Variants in SHANK2 observed in about 807,000 individuals in gnomAD.
SHANK2 encodes the protein SH3 and multiple ankyrin repeat domains 2.
Under a neutral mutation model 133.7 loss-of-function variants are expected in SHANK2, and 43 were observed. The ratio of observed to expected loss-of-function variants is 0.32; its 90% CI spans 0.25 to 0.41. The LOEUF is 0.41. Ranked by LOEUF, SHANK2 falls within the 10% of genes least tolerant of loss-of-function variation. The probability of loss-of-function intolerance (pLI) is 1.00; values close to 1 mark genes in which losing one functional copy is unlikely to be tolerated. For missense variants in SHANK2, 1,994 were observed against 2,235.8 expected, an observed-to-expected ratio of 0.89 and a Z score of 2.18; for synonymous variants, 1,017 against 952.8, an observed-to-expected ratio of 1.07 and a Z score of -1.24.
chr11:70,778,174 T>C (rs1002467913), intron 14 of SHANK2, among the ~76,000 whole-genome samples: 1 of 152,246 alleles, frequency 6.6e-6, no homozygotes, highest in Non-Finnish European at 1.5e-5. Flanking sequence ...CTCTGATGTT[T>C]GCCTTTTCAA....
In SHANK2 at chr11:71,155,983, T is replaced by C. The variant is rs369342287; in HGVS notation, c.-12-8645A>G. Among the ~76,000 whole-genome samples the C allele has an allele frequency of 1.2e-4, 19 of 152,290 alleles. No homozygotes were observed. In the South Asian group the frequency reaches 3.7e-3, roughly 30 times the overall value. On this transcript the variant is annotated intron_variant, in intron 2 of 25. Coordinates refer to ENST00000601538, the MANE Select transcript of SHANK2 (RefSeq NM_012309.5). Reference sequence around the variant, plus strand: ...GGCCCTAATGCAAGGCTGGTGTCTTTTTATCAGAAGAGGGACTCTGGACAC... The same window carrying C: ...GGCCCTAATGCAAGGCTGGTGTCTTCTTATCAGAAGAGGGACTCTGGACAC...
At chr11:70,638,441 G>A (rs782098359) in intron 17 of SHANK2, among the ~76,000 whole-genome samples, 2 of 152,180 alleles carry the variant, frequency 1.3e-5, no homozygotes, top group Non-Finnish European at 1.5e-5. Flanking sequence ...TGTGCTCGGC[G>A]CCCTGCTGAT....
In SHANK2 at chr11:71,127,587, A is replaced by G. The variant is rs1952215454; in HGVS notation, c.208-8555T>C. Among the ~76,000 whole-genome samples the G allele has an allele frequency of 2.0e-5, 3 of 152,236 alleles. No homozygotes were observed. The South Asian group carries it at 6.2e-4, about 32-fold the overall frequency. ...GACACTCCACCAACAAAAACATTACAGGCCACTGAAGATGCAGGTGATTCT... is the reference window on the plus strand; with the variant it reads ...GACACTCCACCAACAAAAACATTACGGGCCACTGAAGATGCAGGTGATTCT... On this transcript the variant is annotated intron_variant, in intron 3 of 25. Coordinates refer to ENST00000601538, the MANE Select transcript of SHANK2 (RefSeq NM_012309.5).
In SHANK2 at chr11:70,502,780, G is replaced by T. The variant is rs782444426; in HGVS notation, c.2197+16C>A. 1 of 1,596,862 alleles carries T rather than the reference G, an allele frequency of 6.3e-7. No individual in the cohort carries two copies. Among genetic ancestry groups the T allele is most frequent in the Admixed American group, 1.7e-5 (1 of 58,772 alleles). ...GTAGGGCCCCAGGCTGGAGCTGGGC[G>T]ATGTGGGGCATGTACCTTTCTTCCT... On this transcript the variant is annotated intron_variant, in intron 18 of 25. Coordinates refer to ENST00000601538, the MANE Select transcript of SHANK2 (RefSeq NM_012309.5).
At chr11:70,635,853 G>A (rs1209771979) in intron 17 of SHANK2, among the ~76,000 whole-genome samples, 3 of 152,058 alleles carry the variant, frequency 2.0e-5, no homozygotes, top group Admixed American at 6.5e-5. Flanking sequence ...CCTCGGTCAC[G>A]CTCATCTGCT....
At chr11:70,893,479 G>C (rs1311687908) in intron 11 of SHANK2, among the ~76,000 whole-genome samples, 1 of 152,168 alleles carries the variant, frequency 6.6e-6, no homozygotes, top group Admixed American at 6.5e-5. Context: ...ACTGTGCTTG[G>C]ATCAATCAAC....
At chr11:70,702,830 G>A (rs1266070970) in intron 14 of SHANK2, among the ~76,000 whole-genome samples, 2 of 152,174 alleles carry the variant, frequency 1.3e-5, no homozygotes, top group Non-Finnish European at 2.9e-5. Context: ...AGGCTGGCTC[G>A]ATTCAGAACC....
In SHANK2 at chr11:71,188,635, T is replaced by C. The variant is rs1020008175; in HGVS notation, c.-13+36062A>G. ...AATTCACTGTGCCTATAACCCAAAG[T>C]CAAGATGAAACTGAGGTGTGGGCCC... is the stretch of plus-strand genomic sequence containing the variant. On this transcript the variant is annotated intron_variant, in intron 2 of 25. Coordinates refer to ENST00000601538, the MANE Select transcript of SHANK2 (RefSeq NM_012309.5). This position sits in a 1 kb window ranked among gnomAD's most constrained non-coding sequence, Gnocchi z 4.6. Among the ~76,000 whole-genome samples the C allele has an allele frequency of 4.6e-5, 7 of 152,274 alleles. No individual in the cohort carries two copies. Among genetic ancestry groups the C allele is most frequent in the Middle Eastern group, 6.8e-3 (2 of 294 alleles).
chr11:71,138,936 G>A (rs1207435773), intron 3 of SHANK2, among the ~76,000 whole-genome samples: 1 of 152,138 alleles, frequency 6.6e-6, no homozygotes, highest in Non-Finnish European at 1.5e-5. Context: ...GAGAGGGCAG[G>A]GCCCTCCCAG....
chr11:71,067,327 C>T (rs1040626726), intron 9 of SHANK2, among the ~76,000 whole-genome samples: 29 of 152,186 alleles, frequency 1.9e-4, no homozygotes, highest in African/African-American at 7.0e-4. Context: ...TTATTTTTAC[C>T]TTCCAGACAA....
At position 70,492,234 on chromosome 11, in the gene SHANK2, C is replaced by G. The variant is rs2058896600; in HGVS notation, c.2439+101G>C. The G allele has an allele frequency of 2.6e-6, 4 of 1,554,134 alleles. No individual in the cohort carries two copies. The South Asian group carries it at 3.3e-5, about 13-fold the overall frequency. On this transcript the variant is annotated intron_variant, in intron 22 of 25. Transcript: ENST00000601538. ...GGGCCCCACCTCTGGACAGCACGAA[C>G]CAGACATGAAAGCGTGTGCACCTCA...
At chr11:71,194,240 G>A (rs1467678837) in intron 2 of SHANK2, among the ~76,000 whole-genome samples, 2 of 152,208 alleles carry the variant, frequency 1.3e-5, no homozygotes, top group Non-Finnish European at 2.9e-5. Context: ...GTAGGTGGCT[G>A]TTCTGATGGG....
At chr11:70,848,233 T>C (rs1260908274) in intron 11 of SHANK2, among the ~76,000 whole-genome samples, 1 of 152,248 alleles carries the variant, frequency 6.6e-6, no homozygotes, top group African/African-American at 2.4e-5. Flanking sequence ...TGAAATCTCC[T>C]GATTTTAAAT....
chr11:70,796,282 C>T (rs1171222677), intron 14 of SHANK2, among the ~76,000 whole-genome samples: 1 of 152,168 alleles, frequency 6.6e-6, no homozygotes, highest in African/African-American at 2.4e-5. Context: ...TCCTCCTGCA[C>T]ACTATCCTGG....
chr11:70,582,891 T>A (rs2060202059), intron 17 of SHANK2, among the ~76,000 whole-genome samples: 1 of 152,132 alleles, frequency 6.6e-6, no homozygotes, highest in African/African-American at 2.4e-5. Flanking sequence ...GCGTGTCTGA[T>A]GAGCAGGACC....
At chr11:71,233,626 G>A (rs1555123267) in intron 1 of SHANK2, among the ~76,000 whole-genome samples, 1 of 152,226 alleles carries the variant, frequency 6.6e-6, no homozygotes, top group Non-Finnish European at 1.5e-5. Context: ...ACAATGTTAT[G>A]TAAATTATAT....
intron 14 of SHANK2, among the ~76,000 whole-genome samples, chr11:70,744,767 C>A (rs1946603751): frequency 6.6e-6 from 1 of 152,236 alleles, no homozygotes; most frequent in Non-Finnish European, 1.5e-5. Flanking sequence ...TGTGGGAGCC[C>A]TGGCTGGGCC....
intron 10 of SHANK2, among the ~76,000 whole-genome samples, chr11:70,929,807 G>T (rs1289068572): frequency 6.6e-6 from 1 of 152,182 alleles, no homozygotes; most frequent in Non-Finnish European, 1.5e-5. Flanking sequence ...GACATGTTTG[G>T]GGGGACATTC....
chr11:71,184,919 C>T (rs1341828746), intron 2 of SHANK2, among the ~76,000 whole-genome samples: 2 of 152,172 alleles, frequency 1.3e-5, no homozygotes, highest in Non-Finnish European at 2.9e-5. Flanking sequence ...GCACCCCATC[C>T]ACCACTGCCT....
Sources: gnomAD v4.1 joint callset for allele counts (sites outside exome capture counted in the v4.1 genomes callset) on GRCh38, gnomAD v4.1.1 for gene constraint, Gnocchi (gnomAD v3.1) non-coding constraint, MANE v1.5 for transcripts, NCBI Gene and HGNC (gene_info 2026-07-23, HGNC 2026-07-21) for gene names.